Variants in RALYL observed in about 807,000 individuals in gnomAD.
RALYL encodes the protein RALY RNA binding protein like, also known as RNA-binding Raly-like protein.
In RALYL, 29 loss-of-function variants were observed where a neutral mutation model predicts 35.1. The ratio of observed to expected loss-of-function variants is 0.83; its 90% CI spans 0.61 to 1.13. The LOEUF (loss-of-function observed/expected upper bound fraction) is 1.13. Ranked by LOEUF, RALYL falls within the 50% of genes most tolerant of loss-of-function variation. The pLI is 0.00. For synonymous variants in RALYL, 120 were observed against 127.6 expected (o/e 0.94, Z 0.40); for missense variants, 359 against 360.4 (o/e 1.00, Z 0.03).
At chr8:84,444,300 G>A (rs1194135814) in intron 1 of RALYL, among the ~76,000 whole-genome samples, 1 of 151,910 alleles carries the variant, frequency 6.6e-6, no homozygotes. Context: ...CTGCACACTA[G>A]CCTGAGCAAC....
At chr8:84,316,392 G>T (rs901572208) in intron 1 of RALYL, among the ~76,000 whole-genome samples, 1 of 152,008 alleles carries the variant, frequency 6.6e-6, no homozygotes, top group South Asian at 2.1e-4. Context: ...TAAAAATGAG[G>T]AAGCTAAATT....
intron 1 of RALYL, among the ~76,000 whole-genome samples, chr8:84,380,808 C>A (rs956164277): frequency 2.6e-5 from 4 of 151,870 alleles, no homozygotes; most frequent in Middle Eastern, 3.2e-3. Flanking sequence ...GTGTCCTTAA[C>A]AGATGCAGAA....
rs754417858 is a variant in RALYL, at chr8:84,743,906, A to G, written c.257-30673A>G. ...AGAATAGTTAAATTCATACAGACAGAAAGCAGAATGCTGGTAGGCAGGAGT... is the reference window on the plus strand; with the variant it reads ...AGAATAGTTAAATTCATACAGACAGGAAGCAGAATGCTGGTAGGCAGGAGT... On this transcript the variant is annotated intron_variant, in intron 2 of 8. Transcript: ENST00000521268. Among the ~76,000 whole-genome samples, 6 of 152,198 alleles carry G rather than the reference A, an allele frequency of 3.9e-5. No individual in the cohort carries two copies. In the South Asian group the frequency reaches 1.2e-3, roughly 31 times the overall value.
At chr8:84,271,466 TTGTGTGTG>T (rs60994368) in intron 1 of RALYL, among the ~76,000 whole-genome samples, 3 of 143,562 alleles carry the variant, frequency 2.1e-5, no homozygotes, top group African/African-American at 5.2e-5. Context: ...TAGAAAATAG[TTGTGTGTG>T]TGTGTGTGTG....
chr8:84,260,105 A>T (rs187461630), intron 1 of RALYL, among the ~76,000 whole-genome samples: 4 of 152,324 alleles, frequency 2.6e-5, no homozygotes, highest in Non-Finnish European at 5.9e-5. Context: ...TTCCTGAAGA[A>T]GAGTTAAGAC....
At chr8:84,884,308 G>A (rs762286390) in intron 7 of RALYL, among the ~76,000 whole-genome samples, 1 of 152,014 alleles carries the variant, frequency 6.6e-6, no homozygotes, top group Non-Finnish European at 1.5e-5. Context: ...GTTGATCAAA[G>A]AGGGAAAGAT....
intron 2 of RALYL, among the ~76,000 whole-genome samples, chr8:84,767,834 A>G (rs548009378): frequency 6.6e-6 from 1 of 152,342 alleles, no homozygotes; most frequent in East Asian, 1.9e-4. Flanking sequence ...TAGCCAGATA[A>G]CAACGTGGAC....
At chr8:84,247,720 C>G (rs1477794824) in intron 1 of RALYL, among the ~76,000 whole-genome samples, 1 of 152,108 alleles carries the variant, frequency 6.6e-6, no homozygotes, top group East Asian at 1.9e-4. Context: ...AGTACCCCTT[C>G]AAGTGTAATA....
At chr8:84,616,796 A>C (rs1212933106) in intron 2 of RALYL, among the ~76,000 whole-genome samples, 1 of 151,834 alleles carries the variant, frequency 6.6e-6, no homozygotes, top group Non-Finnish European at 1.5e-5. Flanking sequence ...ATCCAGTTTC[A>C]GCTTTCTACA....
At chr8:84,514,374 A>T (rs1212467327) in intron 1 of RALYL, among the ~76,000 whole-genome samples, 1 of 152,190 alleles carries the variant, frequency 6.6e-6, no homozygotes, top group African/African-American at 2.4e-5. Context: ...CTATGCTGGT[A>T]TAACAAAGTA....
intron 2 of RALYL, among the ~76,000 whole-genome samples, chr8:84,580,578 C>T (rs1050703128): frequency 5.9e-5 from 9 of 152,082 alleles, no homozygotes; most frequent in Non-Finnish European, 1.3e-4. Context: ...TCCATTAGGT[C>T]CCGCCTGCAA....
chr8:84,434,126 A>G (rs1272284342), intron 1 of RALYL, among the ~76,000 whole-genome samples: 1 of 151,868 alleles, frequency 6.6e-6, no homozygotes, highest in African/African-American at 2.4e-5. Flanking sequence ...TCTTCTGTGG[A>G]TATCTCCTTG....
At chr8:84,640,588 G>A (rs902806429) in intron 2 of RALYL, among the ~76,000 whole-genome samples, 50 of 151,806 alleles carry the variant, frequency 3.3e-4, no homozygotes, top group African/African-American at 1.1e-3. Context: ...TTATACTGGA[G>A]GAAAACATTG....
intron 2 of RALYL, among the ~76,000 whole-genome samples, chr8:84,754,088 T>C (rs1810758226): frequency 6.6e-6 from 1 of 152,050 alleles, no homozygotes. Context: ...ATTTTGTAGG[T>C]TGCCTGTTCA....
At chr8:84,248,925 A>T (rs1170889508) in intron 1 of RALYL, among the ~76,000 whole-genome samples, 1 of 152,070 alleles carries the variant, frequency 6.6e-6, no homozygotes, top group Non-Finnish European at 1.5e-5. Context: ...AACATAAATT[A>T]TCCAGCTTGA....
chr8:84,376,727 C>T (rs1250710675), intron 1 of RALYL, among the ~76,000 whole-genome samples: 1 of 151,844 alleles, frequency 6.6e-6, no homozygotes, highest in East Asian at 1.9e-4. Flanking sequence ...CCCTGATGTT[C>T]ATGAGTTTCT....
intron 2 of RALYL, among the ~76,000 whole-genome samples, chr8:84,636,128 T>C (rs1564284412): frequency 6.6e-6 from 1 of 151,806 alleles, no homozygotes; most frequent in Non-Finnish European, 1.5e-5. Context: ...TCTGCTCCTT[T>C]CTTACTTATC....
intron 8 of RALYL, among the ~76,000 whole-genome samples, chr8:84,888,741 T>C (rs560258695): frequency 1.4e-4 from 22 of 152,254 alleles, no homozygotes; most frequent in South Asian, 4.1e-4. Context: ...TATTATTTTT[T>C]GTTTATTTAT....
intron 5 of RALYL, among the ~76,000 whole-genome samples, chr8:84,853,556 T>G (rs1020563238): frequency 6.6e-6 from 1 of 152,228 alleles, no homozygotes; most frequent in African/African-American, 2.4e-5. Context: ...TTGTTTTGTG[T>G]ACAATCTGTT....
Sources: gnomAD v4.1 joint callset for allele counts (sites outside exome capture counted in the v4.1 genomes callset) on GRCh38, gnomAD v4.1.1 for gene constraint, MANE v1.5 for transcripts, NCBI Gene and HGNC (gene_info 2026-07-23, HGNC 2026-07-21) for gene names.